The following ITPR2 variants were observed in gnomAD, a reference collection of about 807,000 sequenced individuals.
The protein encoded by ITPR2 is inositol 1,4,5-trisphosphate receptor type 2, also known as inositol 1,4,5-trisphosphate-gated calcium channel ITPR2.
A neutral mutation model predicts 317.1 loss-of-function variants in ITPR2; 207 were observed. The observed-to-expected ratio is 0.65, with a 90% CI of 0.58 to 0.73. ITPR2 has a LOEUF of 0.73. ITPR2 is among the 30% of genes least tolerant of loss of function. The pLI, the probability that ITPR2 is intolerant of heterozygous loss-of-function variation, is 0.00. For synonymous variants in ITPR2, 1,156 were observed against 1,149.1 expected (o/e 1.01, Z -0.12); for missense variants, 2,613 against 3,284.0 (o/e 0.80, Z 4.99).
chr12:26,671,013 G>T (rs1402574818), intron 13 of ITPR2, among the ~76,000 whole-genome samples: 1 of 152,006 alleles, frequency 6.6e-6, no homozygotes, highest in African/African-American at 2.4e-5. Context: ...AGAATAAAAA[G>T]AAATGAACAA....
intron 2 of ITPR2, among the ~76,000 whole-genome samples, chr12:26,734,063 C>G (rs141954962): frequency 6.6e-6 from 1 of 152,016 alleles, no homozygotes; most frequent in Admixed American, 6.6e-5. Flanking sequence ...ACTTCCATAG[C>G]GTCTCCTTTT....
intron 1 of ITPR2, among the ~76,000 whole-genome samples, chr12:26,805,469 T>A (rs1236688661): frequency 6.6e-6 from 1 of 152,222 alleles, no homozygotes; most frequent in Non-Finnish European, 1.5e-5. Context: ...TGCTTAATTG[T>A]TGAAAGAAGT....
rs539625044 is a variant in ITPR2, at chr12:26,659,596, A to G, written c.1714-311T>C. On this transcript the variant is annotated intron_variant, in intron 15 of 56. Transcript: ENST00000381340. ...TCTAATTAAAGTAAGTTTTTATGAC[A>G]CAATAACTTTGGATTTCATCAGTCT... Among the ~76,000 whole-genome samples, 3 of 152,366 alleles carry G rather than the reference A, an allele frequency of 2.0e-5. No individual in the cohort carries two copies. In the South Asian group the frequency reaches 6.2e-4, roughly 32 times the overall value.
At chr12:26,339,577 T>C in intron 56 of ITPR2, 94 bp from the exon 57 acceptor site, 1 of 838,272 alleles carries the variant, frequency 1.2e-6, no homozygotes, top group South Asian at 1.4e-5. Context: ...ATTCCCCAAC[T>C]ACCTACTGTC....
intron 32 of ITPR2, among the ~76,000 whole-genome samples, chr12:26,589,861 CA>C: frequency 2.0e-5 from 1 of 50,586 alleles, no homozygotes; most frequent in Non-Finnish European, 5.2e-5. Context: ...TATACACACA[CA>C]CACACACACA....
chr12:26,352,697 G>A (rs1319365614), intron 55 of ITPR2, among the ~76,000 whole-genome samples: 2 of 152,212 alleles, frequency 1.3e-5, no homozygotes, highest in African/African-American at 2.4e-5. Flanking sequence ...TCCCCTGGAG[G>A]ATAAGAACGC....
intron 34 of ITPR2, among the ~76,000 whole-genome samples, chr12:26,577,638 C>T (rs942856203): frequency 8.5e-5 from 13 of 152,154 alleles, no homozygotes; most frequent in African/African-American, 2.9e-4. Flanking sequence ...TATTATTAGT[C>T]TATTAGTTCC....
At chr12:26,478,785 A>C (rs1942475234) in intron 43 of ITPR2, among the ~76,000 whole-genome samples, 1 of 152,028 alleles carries the variant, frequency 6.6e-6, no homozygotes, top group African/African-American at 2.4e-5. Context: ...TTTACAAATG[A>C]AGCACTTCAT....
At chr12:26,446,593 C>G (rs1274901166) in intron 45 of ITPR2, among the ~76,000 whole-genome samples, 1 of 151,792 alleles carries the variant, frequency 6.6e-6, no homozygotes, top group African/African-American at 2.4e-5. Flanking sequence ...CAAACCTATA[C>G]AAATCATTTT....
intron 1 of ITPR2, among the ~76,000 whole-genome samples, chr12:26,823,282 A>G (rs1029320876): frequency 6.6e-6 from 1 of 152,190 alleles, no homozygotes; most frequent in African/African-American, 2.4e-5. Context: ...ATATACCAGC[A>G]ATTTTGTCAG....
At chr12:26,369,792 C>A (rs1591968945) in intron 55 of ITPR2, among the ~76,000 whole-genome samples, 1 of 152,170 alleles carries the variant, frequency 6.6e-6, no homozygotes, top group African/African-American at 2.4e-5. Flanking sequence ...ACCAGAAAGA[C>A]CAACTGCATG....
rs774028737 is a variant in ITPR2, at chr12:26,656,466, C to T, written c.2275G>A (p.Asp759Asn). Residue 759 changes from aspartate to asparagine, a missense_variant, in exon 19 of 57, where the codon GAC becomes AAC. Asp to Asn is a conservative substitution (Grantham distance 23, BLOSUM62 1). Transcript: ENST00000381340. ...TCCGACACACACCGCAGGATCAGGT[C>T]TACAGACAGCTGTGTAGAAATCTGG... is the stretch of plus-strand genomic sequence containing the variant. Reference protein sequence around the residue: ...INQISTQLSVDLILRCVSDES... With the variant: ...INQISTQLSVNLILRCVSDES... The T allele has an allele frequency of 6.2e-7, 1 of 1,614,258 alleles. No homozygotes were observed. Among genetic ancestry groups the T allele is most frequent in the Non-Finnish European group, 8.5e-7 (1 of 1,180,042 alleles).
At chr12:26,383,252 T>A (rs756101426) in intron 55 of ITPR2, among the ~76,000 whole-genome samples, 1 of 152,182 alleles carries the variant, frequency 6.6e-6, no homozygotes, top group Non-Finnish European at 1.5e-5. Context: ...GTTCCATGTT[T>A]GTACAGCCTG....
At chr12:26,635,395 T>A (rs1185131512) in intron 21 of ITPR2, among the ~76,000 whole-genome samples, 2 of 152,220 alleles carry the variant, frequency 1.3e-5, no homozygotes, top group African/African-American at 4.8e-5. Flanking sequence ...TATGAACACA[T>A]AAGAAAATGA....
rs563383171 is a variant in ITPR2, at chr12:26,797,402, G to A, written c.93-7175C>T. Among the ~76,000 whole-genome samples, 8 of 152,156 alleles carry A rather than the reference G, an allele frequency of 5.3e-5. No individual in the cohort carries two copies. The South Asian group carries it at 1.7e-3, about 32-fold the overall frequency. Reference sequence around the variant, plus strand: ...ATGCCACATAACTGATAAAATATTAGTTGTATCTTTTCTCTGATGAAGCCA... The same window carrying A: ...ATGCCACATAACTGATAAAATATTAATTGTATCTTTTCTCTGATGAAGCCA... On this transcript the variant is annotated intron_variant, in intron 1 of 56. Transcript: ENST00000381340.
chr12:26,730,768 T>G (rs954263935), intron 2 of ITPR2, among the ~76,000 whole-genome samples: 1 of 152,210 alleles, frequency 6.6e-6, no homozygotes, highest in Non-Finnish European at 1.5e-5. Context: ...CTGATAGCAT[T>G]GGTGGCATTT....
chr12:26,669,124 A>G (rs1216860995), intron 13 of ITPR2, among the ~76,000 whole-genome samples: 6 of 151,864 alleles, frequency 4.0e-5, no homozygotes. Context: ...CTGTCTCAAA[A>G]AAAAAATTAT....
rs371692737 is a variant in ITPR2 at position 26,668,839 on chromosome 12, G to A, written c.1410-2788C>T. On this transcript the variant is annotated intron_variant, in intron 13 of 56. Transcript: ENST00000381340. ...AAAAATCTGAGAGATAAAAATTATAGGCTGAGCACAGTGGCTCATGCCTGT... is the reference window on the plus strand; with the variant it reads ...AAAAATCTGAGAGATAAAAATTATAAGCTGAGCACAGTGGCTCATGCCTGT... Among the ~76,000 whole-genome samples the A allele has an allele frequency of 1.6e-3, 246 of 152,192 alleles. 1 individual carries two copies. The highest frequency in any genetic ancestry group is 5.7e-3 in the African/African-American group (236 of 41,530).
intron 55 of ITPR2, among the ~76,000 whole-genome samples, chr12:26,348,220 G>A (rs1233018079): frequency 2.0e-5 from 3 of 152,184 alleles, no homozygotes; most frequent in Non-Finnish European, 4.4e-5. Flanking sequence ...CACAAGTCAC[G>A]CTGCTACTGC....
Sources: gnomAD v4.1 joint callset for allele counts (sites outside exome capture counted in the v4.1 genomes callset) on GRCh38, gnomAD v4.1.1 for gene constraint, MANE v1.5 for transcripts, NCBI Gene and HGNC (gene_info 2026-07-23, HGNC 2026-07-21) for gene names.